The following CPA6 variants were observed in gnomAD, a reference collection of about 807,000 sequenced individuals.
The protein encoded by CPA6 is carboxypeptidase B.
In CPA6, 58 loss-of-function variants were observed where a neutral mutation model predicts 63.3. That is an observed-to-expected ratio of 0.92 (90% confidence interval 0.74 to 1.14). CPA6 has a LOEUF of 1.14. CPA6 is among the 50% of genes most tolerant of loss of function. The pLI, the probability that CPA6 is intolerant of heterozygous loss-of-function variation, is 0.00. For synonymous variants in CPA6, 185 were observed against 179.0 expected, an observed-to-expected ratio of 1.03 and a Z score of -0.27; for missense variants, 565 against 526.6, an observed-to-expected ratio of 1.07 and a Z score of -0.71.
At chr8:67,714,469 G>A (rs1221030527) in intron 1 of CPA6, among the ~76,000 whole-genome samples, 2 of 152,180 alleles carry the variant, frequency 1.3e-5, no homozygotes, top group African/African-American at 2.4e-5. Context: ...AGCACTTCGG[G>A]AGCCCGAGCA....
At chr8:67,670,098 A>T (rs1435157627) in intron 1 of CPA6, among the ~76,000 whole-genome samples, 1 of 152,232 alleles carries the variant, frequency 6.6e-6, no homozygotes, top group African/African-American at 2.4e-5. Context: ...CCCATCTAAG[A>T]TGTAGAATAC....
chr8:67,484,074 C>CT (rs11320694), intron 7 of CPA6, among the ~76,000 whole-genome samples: 13,550 of 146,526 alleles, frequency 0.092, 753 homozygotes, highest in East Asian at 0.26. Flanking sequence ...TTTGCCTTCT[C>CT]TTTTTTTTTT....
At chr8:67,538,810 C>A (rs974394975) in intron 2 of CPA6, among the ~76,000 whole-genome samples, 1 of 152,010 alleles carries the variant, frequency 6.6e-6, no homozygotes, top group Non-Finnish European at 1.5e-5. Flanking sequence ...CAGGTGCCTG[C>A]CACTATGCCC....
At position 67,625,682 on chromosome 8, in the gene CPA6, A is replaced by AT. The variant is rs563865234; in HGVS notation, c.117-1432dup. 2.7e-3 allele frequency among the ~76,000 whole-genome samples: 404 copies of AT among 152,286 alleles called. 3 individuals carry two copies. Among genetic ancestry groups the AT allele is most frequent in the African/African-American group, 9.0e-3 (374 of 41,558 alleles). ...TAAATAAAGCACAGTAGGAATTAAT[A>AT]TTTTTCATAACTCTCTATGGCATTT... is the stretch of plus-strand genomic sequence containing the variant. On this transcript the variant is annotated intron_variant, in intron 1 of 10. Transcript: ENST00000297770.
intron 2 of CPA6, among the ~76,000 whole-genome samples, chr8:67,615,341 C>A (rs931371366): frequency 6.6e-6 from 1 of 152,278 alleles, no homozygotes; most frequent in Middle Eastern, 3.4e-3. Context: ...CCAAGAAGTG[C>A]CATCCTTGCC....
At chr8:67,707,628 G>T (rs907726525) in intron 1 of CPA6, among the ~76,000 whole-genome samples, 3 of 152,154 alleles carry the variant, frequency 2.0e-5, no homozygotes, top group African/African-American at 4.8e-5. Context: ...CAAACTTAAG[G>T]CTGGGTGTGG....
intron 1 of CPA6, among the ~76,000 whole-genome samples, chr8:67,728,513 T>TA (rs774351581): frequency 7.9e-5 from 12 of 152,202 alleles, no homozygotes; most frequent in Admixed American, 5.9e-4. Context: ...GTTGAACACA[T>TA]AGGTAGCATC....
At chr8:67,617,904 A>T (rs1237755982) in intron 2 of CPA6, among the ~76,000 whole-genome samples, 1 of 151,358 alleles carries the variant, frequency 6.6e-6, no homozygotes, top group Non-Finnish European at 1.5e-5. Context: ...ATTTCTTGCC[A>T]TGGGGCAGTT....
intron 8 of CPA6, among the ~76,000 whole-genome samples, chr8:67,467,773 G>C (rs897308897): frequency 1.3e-5 from 2 of 151,964 alleles, no homozygotes; most frequent in African/African-American, 4.8e-5. Context: ...GAGGCCGAGG[G>C]GGGCAAATCA....
At chr8:67,724,731 A>G (rs997629344) in intron 1 of CPA6, among the ~76,000 whole-genome samples, 1 of 152,194 alleles carries the variant, frequency 6.6e-6, no homozygotes, top group African/African-American at 2.4e-5. Flanking sequence ...AAACCACACA[A>G]TTAAAAATAA....
At chr8:67,670,785 A>G (rs183619234) in intron 1 of CPA6, among the ~76,000 whole-genome samples, 6 of 152,328 alleles carry the variant, frequency 3.9e-5, no homozygotes, top group Admixed American at 2.0e-4. Flanking sequence ...TCTTCCAGTT[A>G]TGTGAAATGC....
intron 2 of CPA6, among the ~76,000 whole-genome samples, chr8:67,618,815 C>T (rs796115861): frequency 3.3e-5 from 5 of 152,260 alleles, no homozygotes; most frequent in African/African-American, 9.6e-5. Flanking sequence ...TGCAAAGAGA[C>T]GTAGGCAGAA....
intron 1 of CPA6, among the ~76,000 whole-genome samples, chr8:67,728,111 C>A (rs1440425161): frequency 7.1e-6 from 1 of 141,164 alleles, no homozygotes; most frequent in Non-Finnish European, 1.5e-5. Flanking sequence ...CCCACAAAAA[C>A]CAACAAAACA....
At chr8:67,691,363 A>G (rs36070371) in intron 1 of CPA6, among the ~76,000 whole-genome samples, 71,435 of 152,062 alleles carry the variant, frequency 0.47, 19,933 homozygotes, top group African/African-American at 0.79. Flanking sequence ...GGTGGCCATC[A>G]GTGACCAGTC....
chr8:67,597,200 T>C (rs182809714), intron 2 of CPA6, among the ~76,000 whole-genome samples: 3,727 of 140,954 alleles, frequency 0.026, 78 homozygotes, highest in African/African-American at 0.067. Flanking sequence ...CTGTGTCTCT[T>C]TTTTTTTTTT....
At chr8:67,672,816 G>A (rs1435835386) in intron 1 of CPA6, among the ~76,000 whole-genome samples, 1 of 152,144 alleles carries the variant, frequency 6.6e-6, no homozygotes, top group Non-Finnish European at 1.5e-5. Flanking sequence ...CCAAATCAGA[G>A]TCTTCCTTGA....
chr8:67,536,096 T>A lies in CPA6; in HGVS notation c.193-18049A>T, dbSNP rs182531020. Among the ~76,000 whole-genome samples the A allele has an allele frequency of 1.8e-3, 278 of 152,326 alleles. 1 individual carries two copies. The highest frequency in any genetic ancestry group is 6.5e-3 in the African/African-American group (269 of 41,570). ...TTTTGGTACCAGTACCATACTACTG[T>A]AGCCTTGTAGTATGGTTTGAAGTCA... On this transcript the variant is annotated intron_variant, in intron 2 of 10. Transcript: ENST00000297770.
chr8:67,482,200 TG>T (rs1811374000), intron 8 of CPA6, among the ~76,000 whole-genome samples: 1 of 152,242 alleles, frequency 6.6e-6, no homozygotes, highest in Non-Finnish European at 1.5e-5. Context: ...CAGAGCTGGC[TG>T]CTGCTAGAGT....
chr8:67,493,552 T>C (rs1483226899), intron 6 of CPA6, among the ~76,000 whole-genome samples: 1 of 152,196 alleles, frequency 6.6e-6, no homozygotes, highest in Non-Finnish European at 1.5e-5. Context: ...CTCCTATTCT[T>C]ATTTTTATTT....
Sources: gnomAD v4.1 joint callset for allele counts (sites outside exome capture counted in the v4.1 genomes callset) on GRCh38, gnomAD v4.1.1 for gene constraint, MANE v1.5 for transcripts, NCBI Gene and HGNC (gene_info 2026-07-23, HGNC 2026-07-21) for gene names.